PIWIL1: variants seen among roughly 807,000 people sequenced by gnomAD.
The protein encoded by PIWIL1 is piwi-like protein 1.
In PIWIL1, 73 loss-of-function variants were observed where a neutral mutation model predicts 114.4. The observed-to-expected ratio is 0.64, with a 90% CI of 0.53 to 0.78. The LOEUF (loss-of-function observed/expected upper bound fraction) is 0.78, where lower values mean the gene tolerates loss of function less well. Among genes scored for constraint, PIWIL1 ranks in the 30% least tolerant of loss-of-function variants. PIWIL1 has a pLI of 0.00. For missense variants in PIWIL1, 723 were observed against 1,063.1 expected (o/e 0.68, Z 4.45); for synonymous variants, 375 against 369.0 (o/e 1.02, Z -0.19).
chr12:130,357,647 A>T, intron 14 of PIWIL1, 94 bp downstream of exon 14: 1 of 770,754 alleles, frequency 1.3e-6, no homozygotes, highest in South Asian at 1.5e-5. Context: ...TCTTTTTTCA[A>T]ATGTTAATAG....
the PIWIL1 span, chr12:130,414,358 G>C: frequency 6.7e-7 from 1 of 1,500,218 alleles, no homozygotes; most frequent in Admixed American, 2.2e-5. Context: ...TAACTGAGGA[G>C]CGTGCACGGG....
Position 130,342,709 on chromosome 12 carries a change from G to A in PIWIL1, c.78+40G>A, listed in dbSNP as rs779509318. ...GTTTCTGACTACAGAAAATGTCTTT[G>A]ACTCTTGATCAGCCTAGGCTGTTGA... is the stretch of plus-strand genomic sequence containing the variant. On this transcript the variant is annotated intron_variant, in intron 2 of 20. Coordinates refer to ENST00000245255, the MANE Select transcript of PIWIL1 (RefSeq NM_004764.5). 4 of 1,473,816 alleles carry A rather than the reference G, an allele frequency of 2.7e-6. No homozygotes were observed. In the African/African-American group the frequency reaches 5.5e-5, roughly 20 times the overall value. The allele number at this position is 1,473,816 out of a possible 1,614,324, so 91.3% of individuals were successfully genotyped here. A position where few individuals can be genotyped will look rare whatever the true frequency, so the allele number is the denominator to read the frequency against.
At chr12:130,392,205 A>ACCGTCATCACATGTCCG in the PIWIL1 span, among the ~76,000 whole-genome samples, 4 of 48,908 alleles carry the variant, frequency 8.2e-5, no homozygotes, top group Non-Finnish European at 1.2e-4. Context: ...ACGTGGATGC[A>ACCGTCATCACATGTCCG]TCAGTTACCC....
chr12:130,385,206 C>T, the PIWIL1 span, among the ~76,000 whole-genome samples: 1 of 152,214 alleles, frequency 6.6e-6, no homozygotes, highest in Non-Finnish European at 1.5e-5. Context: ...CTTTACCAGC[C>T]TGTCCACAGT....
the PIWIL1 span, chr12:130,397,146 G>T: frequency 3.0e-6 from 1 of 333,978 alleles, no homozygotes; most frequent in Non-Finnish European, 5.4e-6. Context: ...ATCAGAGCTT[G>T]GACAATGAGA....
chr12:130,353,312 T>G (rs2073268272), intron 9 of PIWIL1, among the ~76,000 whole-genome samples: 1 of 95,338 alleles, frequency 1.0e-5, no homozygotes, highest in African/African-American at 3.4e-5. Context: ...TCAGTGGAGG[T>G]GTGTGGTTTT....
chr12:130,402,851 G>T, the PIWIL1 span, among the ~76,000 whole-genome samples: 1 of 152,196 alleles, frequency 6.6e-6, no homozygotes. Context: ...GACATAGGAA[G>T]GTACAGGATT....
the PIWIL1 span, among the ~76,000 whole-genome samples, chr12:130,382,209 C>T: frequency 0.047 from 7,183 of 152,296 alleles, 337 homozygotes; most frequent in East Asian, 0.2. Flanking sequence ...GCAGGGGCCA[C>T]GAGGCCCTTC....
chr12:130,346,260 T>C lies in PIWIL1; in HGVS notation c.317-110T>C, dbSNP rs2073065272. The C allele has an allele frequency of 8.0e-6, 6 of 750,150 alleles. No individual in the cohort carries two copies. The East Asian group carries it at 1.1e-4, about 13-fold the overall frequency. 46.5% of individuals were successfully genotyped at this position (750,150 alleles called of 1,614,324 possible). A position where few individuals can be genotyped will look rare whatever the true frequency, so the allele number is the denominator to read the frequency against. On this transcript the variant is annotated intron_variant, in intron 4 of 20. Transcript: ENST00000245255. ...GTCTGAGGACTTTCATGTTGTCTGC[T>C]GCTCTTAGCCTTGTGTTTACGGAAC... is the stretch of plus-strand genomic sequence containing the variant.
intron 9 of PIWIL1, among the ~76,000 whole-genome samples, chr12:130,353,722 T>C (rs556459034): frequency 5.9e-5 from 9 of 152,206 alleles, no homozygotes; most frequent in African/African-American, 2.2e-4. Flanking sequence ...AGGTCAGGAA[T>C]TGGAGACCAG....
chr12:130,368,483 G>C lies in PIWIL1; in HGVS notation c.2321+1225G>C, dbSNP rs534117809. On this transcript the variant is annotated intron_variant, in intron 19 of 20. Transcript: ENST00000245255. Reference sequence around the variant, plus strand: ...TTTTTATTTTGAAATACATTATCTTGGATTTCTGTCTTTTTCTCAGACAGA... The same window carrying C: ...TTTTTATTTTGAAATACATTATCTTCGATTTCTGTCTTTTTCTCAGACAGA... Among the ~76,000 whole-genome samples the C allele has an allele frequency of 4.6e-5, 7 of 152,204 alleles. No individual in the cohort carries two copies. In the South Asian group the frequency reaches 8.3e-4, roughly 18 times the overall value.
rs1235334727 is a variant in PIWIL1, at chr12:130,349,258, T to C, written c.754T>C (p.Phe252Leu). 1.2e-6 allele frequency: 2 copies of C among 1,613,126 alleles called. No individual in the cohort carries two copies. The highest frequency in any genetic ancestry group is 1.7e-6 in the Non-Finnish European group (2 of 1,179,106). Residue 252 changes from phenylalanine to leucine, a missense_variant, in exon 8 of 21, where the codon TTC becomes CTC. Around this residue, in one of 8 missense-constraint regions of PIWIL1, gnomAD observed 190 missense variants for 294.4 expected, o/e 0.65. Transcript: ENST00000245255. The part of the protein sequence containing the change: ...PSHRLVIWPG[F>L]TTSILQYENS... ...TGACAGGTTGGTGATTTGGCCTGGC[T>C]TCACTACTTCCATCCTTCAGTATGA...
chr12:130,345,964 T>A, intron 4 of PIWIL1, 86 bp downstream of exon 4: 2 of 1,443,756 alleles, frequency 1.4e-6, no homozygotes, highest in Non-Finnish European at 1.9e-6. Flanking sequence ...AGGTGTTTAT[T>A]TGGCCAAGGA....
chr12:130,411,502 T>C, the PIWIL1 span, among the ~76,000 whole-genome samples: 1,534 of 152,256 alleles, frequency 0.01, 82 homozygotes, highest in Admixed American at 0.087. Flanking sequence ...AGGGGGCACA[T>C]AGATATATCA....
chr12:130,389,216 A>C, the PIWIL1 span, among the ~76,000 whole-genome samples: 1 of 151,932 alleles, frequency 6.6e-6, no homozygotes, highest in Non-Finnish European at 1.5e-5. Flanking sequence ...TTTTGTTTAG[A>C]GTGTTTACAC....
chr12:130,424,310 G>A, the PIWIL1 span: 59 of 1,231,536 alleles, frequency 4.8e-5, 1 homozygote, highest in East Asian at 5.1e-4. This position sits in a 1 kb window ranked among gnomAD's most constrained non-coding sequence, Gnocchi z 9.8. Flanking sequence ...GCTGGGGGTC[G>A]TCGTTCCTGA....
At chr12:130,344,853 G>A (rs998868561) in intron 3 of PIWIL1, among the ~76,000 whole-genome samples, 16 of 152,290 alleles carry the variant, frequency 1.1e-4, no homozygotes, top group African/African-American at 3.9e-4. Context: ...TTCTGCTTAA[G>A]TATCTTAGGC....
At chr12:130,396,943 A>C in the PIWIL1 span, 1 of 153,346 alleles carries the variant, frequency 6.5e-6, no homozygotes, top group African/African-American at 2.4e-5. Context: ...TAAACTAGGA[A>C]TTTCAAGACC....
rs1409548714 is a variant in PIWIL1 at position 130,371,635 on chromosome 12, AT to A, written c.*38del. ...CGATGCAGCCGCTTTTCTTTTTGAAATGACTTTGGGATTTTTTTAAGCTTTT... is the reference window on the plus strand; with the variant it reads ...CGATGCAGCCGCTTTTCTTTTTGAAAGACTTTGGGATTTTTTTAAGCTTTT... On this transcript the variant is annotated 3_prime_UTR_variant, in exon 21 of 21. Coordinates refer to ENST00000245255, the MANE Select transcript of PIWIL1 (RefSeq NM_004764.5). 3 of 1,310,150 alleles carry A rather than the reference AT, an allele frequency of 2.3e-6. No homozygotes were observed. The highest frequency in any genetic ancestry group is 4.7e-5 in the East Asian group (2 of 42,960). The allele number at this position is 1,310,150 out of a possible 1,614,324, so 81.2% of individuals were successfully genotyped here.
Sources: gnomAD v4.1 joint callset for allele counts (sites outside exome capture counted in the v4.1 genomes callset) on GRCh38, gnomAD v4.1.1 for gene constraint, gnomAD v4.1.1 regional missense constraint, Gnocchi (gnomAD v3.1) non-coding constraint, MANE v1.5 for transcripts, NCBI Gene and HGNC (gene_info 2026-07-23, HGNC 2026-07-21) for gene names.